The following CRPPA variants were observed in gnomAD, a reference collection of about 807,000 sequenced individuals.
The protein encoded by CRPPA is CDP-L-ribitol pyrophosphorylase A.
A neutral mutation model predicts 52.0 loss-of-function variants in CRPPA; 43 were observed. The ratio of observed to expected loss-of-function variants is 0.83; its 90% CI spans 0.65 to 1.07. CRPPA has a LOEUF of 1.07. Ranked by LOEUF, CRPPA falls within the 50% of genes least tolerant of loss-of-function variation. The probability of loss-of-function intolerance (pLI) is 0.00; values close to 1 mark genes in which losing one functional copy is unlikely to be tolerated. For missense variants in CRPPA, 629 were observed against 551.7 expected (o/e 1.14, Z -1.40); for synonymous variants, 250 against 203.5 (o/e 1.23, Z -1.94).
chr7:16,183,750 G>A lies in CRPPA; in HGVS notation c.1251+32316C>T, dbSNP rs75270270. ...CATTTATTACATACAATTCTGCCCCGTTGATAGAACAGAGAATGCTCAAAG... is the reference window on the plus strand; with the variant it reads ...CATTTATTACATACAATTCTGCCCCATTGATAGAACAGAGAATGCTCAAAG... On this transcript the variant is annotated intron_variant, in intron 9 of 9. Transcript: ENST00000407010. 5.1e-4 allele frequency among the ~76,000 whole-genome samples: 77 copies of A among 152,032 alleles called. No individual in the cohort carries two copies. In the East Asian group the frequency reaches 0.012, roughly 23 times the overall value.
intron 1 of CRPPA, among the ~76,000 whole-genome samples, chr7:16,420,509 G>A (rs1788301043): frequency 6.6e-6 from 1 of 152,092 alleles, no homozygotes; most frequent in Admixed American, 6.6e-5. Context: ...AAGGGGGTAT[G>A]ACCTCAAATT....
At chr7:16,399,684 GACACGTGAGCA>G (rs1257171991) in intron 2 of CRPPA, among the ~76,000 whole-genome samples, 11 of 152,088 alleles carry the variant, frequency 7.2e-5, no homozygotes, top group East Asian at 5.8e-4. Flanking sequence ...CATGACCAGT[GACACGTGAGCA>G]ACACGTGACC....
chr7:16,218,888 C>T (rs1320588658), intron 8 of CRPPA, among the ~76,000 whole-genome samples: 1 of 151,508 alleles, frequency 6.6e-6, no homozygotes, highest in African/African-American at 2.4e-5. Flanking sequence ...ATCAACGAGA[C>T]AGAAAGTCAA....
intron 8 of CRPPA, among the ~76,000 whole-genome samples, chr7:16,229,393 T>C (rs1024019107): frequency 1.3e-5 from 2 of 152,046 alleles, no homozygotes; most frequent in Non-Finnish European, 2.9e-5. Context: ...AGTAAATTTT[T>C]TTAGTGTTAT....
At chr7:16,283,989 G>T (rs577697864) in intron 5 of CRPPA, among the ~76,000 whole-genome samples, 1 of 152,140 alleles carries the variant, frequency 6.6e-6, no homozygotes, top group South Asian at 2.1e-4. Flanking sequence ...GCTGAAAGTA[G>T]CATATTGATA....
intron 3 of CRPPA, among the ~76,000 whole-genome samples, chr7:16,338,561 T>C (rs2128432426): frequency 6.6e-6 from 1 of 151,984 alleles, no homozygotes; most frequent in Middle Eastern, 3.4e-3. Flanking sequence ...AAATTACTAA[T>C]ACCAAAATGG....
At chr7:16,418,899 A>G (rs1242194566) in intron 1 of CRPPA, among the ~76,000 whole-genome samples, 4 of 152,128 alleles carry the variant, frequency 2.6e-5, no homozygotes, top group Non-Finnish European at 4.4e-5. Context: ...TTAATGCAAA[A>G]GTTTTCTCCA....
Position 16,328,975 on chromosome 7 carries a change from T to G in CRPPA, c.685-20348A>C, listed in dbSNP as rs149282150. On this transcript the variant is annotated intron_variant, in intron 3 of 9. Coordinates refer to ENST00000407010, the MANE Select transcript of CRPPA (RefSeq NM_001101426.4). The stretch of plus-strand genomic sequence containing the variant: ...ACCCTTTGAAAATTGCTTTCTTGAC[T>G]GTACATAACACCTGGACTTAAATCA... 7.3e-3 allele frequency among the ~76,000 whole-genome samples: 1,114 copies of G among 152,326 alleles called. 6 individuals are homozygous for G. Among genetic ancestry groups the G allele is most frequent in the Admixed American group, 0.012 (179 of 15,306 alleles).
At chr7:16,102,819 G>A (rs1216852397) in intron 9 of CRPPA, among the ~76,000 whole-genome samples, 1 of 152,192 alleles carries the variant, frequency 6.6e-6, no homozygotes, top group Non-Finnish European at 1.5e-5. Context: ...ATGCTGGAGA[G>A]GATGTGGAGA....
intron 9 of CRPPA, among the ~76,000 whole-genome samples, chr7:16,187,857 G>A (rs762967562): frequency 2.6e-5 from 4 of 152,034 alleles, no homozygotes; most frequent in Non-Finnish European, 4.4e-5. Context: ...ATAATGTAAC[G>A]AAGAGTCTAG....
chr7:16,387,563 AT>A lies in CRPPA; in HGVS notation c.535-11323del, dbSNP rs544143518. On this transcript the variant is annotated intron_variant, in intron 2 of 9. Coordinates refer to ENST00000407010, the MANE Select transcript of CRPPA (RefSeq NM_001101426.4). The stretch of plus-strand genomic sequence containing the variant: ...CAAAAGGCAACAACTGTCAAACTAA[AT>A]TTTTTTTTAAATCTATCACATGCTG... Among the ~76,000 whole-genome samples the A allele has an allele frequency of 6.1e-4, 93 of 151,864 alleles. 1 individual carries two copies. Among genetic ancestry groups the A allele is most frequent in the Admixed American group, 3.0e-3 (46 of 15,242 alleles).
intron 2 of CRPPA, among the ~76,000 whole-genome samples, chr7:16,400,267 G>A (rs1454308229): frequency 1.3e-5 from 2 of 152,218 alleles, no homozygotes; most frequent in East Asian, 3.9e-4. Flanking sequence ...TGATTGTCAC[G>A]TGATTACCTG....
chr7:16,339,027 G>A lies in CRPPA; in HGVS notation c.685-30400C>T, dbSNP rs188240855. On this transcript the variant is annotated intron_variant, in intron 3 of 9. Coordinates refer to ENST00000407010, the MANE Select transcript of CRPPA (RefSeq NM_001101426.4). ...AGAGATGGGGCTTCACCGTGGTCTCGATCTCCTGACCTCGTGATCCGCCCG... is the reference window on the plus strand; with the variant it reads ...AGAGATGGGGCTTCACCGTGGTCTCAATCTCCTGACCTCGTGATCCGCCCG... 8.6e-5 allele frequency among the ~76,000 whole-genome samples: 13 copies of A among 151,700 alleles called. No individual in the cohort carries two copies. In the East Asian group the frequency reaches 2.0e-3, roughly 23 times the overall value.
At chr7:16,216,903 A>G (rs1472508457) in intron 8 of CRPPA, among the ~76,000 whole-genome samples, 7 of 151,954 alleles carry the variant, frequency 4.6e-5, no homozygotes, top group South Asian at 4.1e-4. Context: ...TAGGTAAACA[A>G]AGCAGCCGGG....
intron 2 of CRPPA, among the ~76,000 whole-genome samples, chr7:16,405,038 C>T (rs559053254): frequency 1.5e-4 from 23 of 151,856 alleles, no homozygotes; most frequent in Admixed American, 3.9e-4. Flanking sequence ...AAATTTCCTA[C>T]GGCAATTCAA....
intron 9 of CRPPA, among the ~76,000 whole-genome samples, chr7:16,182,544 C>T (rs765048410): frequency 3.3e-5 from 5 of 152,072 alleles, no homozygotes; most frequent in African/African-American, 1.2e-4. Flanking sequence ...AAACAAAACT[C>T]CAGTGTTAAC....
chr7:16,320,007 A>G (rs1357391048), intron 3 of CRPPA, among the ~76,000 whole-genome samples: 1 of 152,168 alleles, frequency 6.6e-6, no homozygotes, highest in Non-Finnish European at 1.5e-5. Flanking sequence ...GCTTGCCCCA[A>G]CTATTTGCTT....
In CRPPA at chr7:16,179,787, A is replaced by C. The variant is rs73304824; in HGVS notation, c.1251+36279T>G. 5.8e-3 allele frequency among the ~76,000 whole-genome samples: 890 copies of C among 152,222 alleles called. 10 individuals are homozygous for C. Among genetic ancestry groups the C allele is most frequent in the African/African-American group, 0.021 (853 of 41,544 alleles). On this transcript the variant is annotated intron_variant, in intron 9 of 9. Transcript: ENST00000407010. ...ACACTGTGGCATACGTTATTTGTGC[A>C]GTAAAGAACACCCAAGGGTGTCTGC...
chr7:16,139,007 G>C (rs1270618446), intron 9 of CRPPA, among the ~76,000 whole-genome samples: 1 of 152,050 alleles, frequency 6.6e-6, no homozygotes, highest in East Asian at 1.9e-4. Context: ...TCACCATGTT[G>C]GTCAGGTTGG....
Sources: allele counts gnomAD v4.1 joint callset (sites outside exome capture counted in the v4.1 genomes callset), GRCh38; gene constraint gnomAD v4.1.1; transcripts MANE v1.5; gene names NCBI Gene and HGNC (gene_info 2026-07-23, HGNC 2026-07-21).